The following RAB3C variants were observed in gnomAD, a reference collection of about 807,000 sequenced individuals.
RAB3C encodes ras-related protein Rab-3C.
A neutral mutation model predicts 26.4 loss-of-function variants in RAB3C; 17 were observed. The observed-to-expected ratio is 0.64, with a 90% CI of 0.44 to 0.97. The LOEUF is 0.97. Ranked by LOEUF, RAB3C falls within the 50% of genes least tolerant of loss-of-function variation. The probability of loss-of-function intolerance (pLI) is 0.00; values close to 1 mark genes in which losing one functional copy is unlikely to be tolerated. For missense variants in RAB3C, 242 were observed against 281.9 expected, an observed-to-expected ratio of 0.86 and a Z score of 1.01; for synonymous variants, 91 against 95.9, an observed-to-expected ratio of 0.95 and a Z score of 0.30.
chr5:58,614,716 A>C (rs1392193461), intron 1 of RAB3C, among the ~76,000 whole-genome samples: 1 of 152,014 alleles, frequency 6.6e-6, no homozygotes, highest in Non-Finnish European at 1.5e-5. Context: ...CTTCACCTAA[A>C]TGCATACAGT....
At chr5:58,778,373 C>T (rs1012924118) in intron 3 of RAB3C, among the ~76,000 whole-genome samples, 1 of 152,200 alleles carries the variant, frequency 6.6e-6, no homozygotes, top group African/African-American at 2.4e-5. Context: ...TCCTTTAGAG[C>T]CTCCTAAAAG....
In RAB3C at chr5:58,852,801, T is replaced by A. The variant is rs1245242997; in HGVS notation, c.*1450T>A. 6.6e-6 allele frequency: 1 copy of A among 152,246 alleles called. No homozygotes were observed. Among genetic ancestry groups the A allele is most frequent in the Non-Finnish European group, 1.5e-5 (1 of 68,044 alleles). 9.4% of individuals were successfully genotyped at this position (152,246 alleles called of 1,614,324 possible). ...AGGAAGCAGGAATTATTTGGCAGAT[T>A]TGGAAGGATAGTTTCGTTAAGTGAA... On this transcript the variant is annotated 3_prime_UTR_variant, in exon 5 of 5. Coordinates refer to ENST00000282878, the MANE Select transcript of RAB3C (RefSeq NM_138453.4).
chr5:58,654,025 C>A (rs888423165), intron 2 of RAB3C, among the ~76,000 whole-genome samples: 8 of 152,142 alleles, frequency 5.3e-5, no homozygotes, highest in Non-Finnish European at 1.2e-4. Flanking sequence ...TTTATATTTT[C>A]TGACTTTCTG....
At chr5:58,658,961 TC>T (rs1260671167) in intron 2 of RAB3C, among the ~76,000 whole-genome samples, 2 of 152,206 alleles carry the variant, frequency 1.3e-5, no homozygotes, top group Non-Finnish European at 2.9e-5. Context: ...AAGTCGCAAG[TC>T]CAGCCCAAAT....
intron 2 of RAB3C, among the ~76,000 whole-genome samples, chr5:58,625,617 G>C (rs1747034491): frequency 1.3e-5 from 2 of 152,040 alleles, no homozygotes; most frequent in African/African-American, 4.8e-5. Context: ...CCAGCACTTT[G>C]GGAGGCCGAG....
At chr5:58,799,782 A>G (rs1186064928) in intron 3 of RAB3C, among the ~76,000 whole-genome samples, 1 of 152,196 alleles carries the variant, frequency 6.6e-6, no homozygotes, top group Non-Finnish European at 1.5e-5. Flanking sequence ...GATCTAAATG[A>G]ATCCTGACTT....
chr5:58,740,841 G>GA lies in RAB3C; in HGVS notation c.371+14731dup, dbSNP rs964190024. Among the ~76,000 whole-genome samples the GA allele has an allele frequency of 6.5e-4, 97 of 148,444 alleles. 1 individual carries two copies. Among genetic ancestry groups the GA allele is most frequent in the Admixed American group, 4.5e-3 (67 of 14,828 alleles). ...TCTCAGAAAAATATATATCTTAACA[G>GA]AAAAAAAAAATCATCAAATATGTGT... is the stretch of plus-strand genomic sequence containing the variant. On this transcript the variant is annotated intron_variant, in intron 3 of 4. Coordinates refer to ENST00000282878, the MANE Select transcript of RAB3C (RefSeq NM_138453.4).
intron 2 of RAB3C, among the ~76,000 whole-genome samples, chr5:58,639,092 G>A (rs1442593185): frequency 6.6e-6 from 1 of 152,236 alleles, no homozygotes; most frequent in Non-Finnish European, 1.5e-5. Context: ...AGAGCCAGGA[G>A]ATAAGTTATT....
At chr5:58,700,357 G>A (rs949831454) in intron 2 of RAB3C, among the ~76,000 whole-genome samples, 1 of 152,208 alleles carries the variant, frequency 6.6e-6, no homozygotes, top group Non-Finnish European at 1.5e-5. Flanking sequence ...TTCACGTTCT[G>A]TGATGAGGGG....
At chr5:58,791,619 A>C (rs1742523663) in intron 3 of RAB3C, among the ~76,000 whole-genome samples, 1 of 152,250 alleles carries the variant, frequency 6.6e-6, no homozygotes, top group Admixed American at 6.5e-5. Context: ...CATAGTTATG[A>C]ATCTAAGAAG....
intron 2 of RAB3C, among the ~76,000 whole-genome samples, chr5:58,659,509 G>A (rs914485030): frequency 2.0e-5 from 3 of 152,234 alleles, no homozygotes; most frequent in Non-Finnish European, 2.9e-5. Context: ...CCAATGAAAG[G>A]AATAGACTTC....
chr5:58,662,828 T>C (rs1747931621), intron 2 of RAB3C, among the ~76,000 whole-genome samples: 1 of 150,232 alleles, frequency 6.7e-6, no homozygotes, highest in Admixed American at 6.6e-5. Flanking sequence ...AGGGAACTCT[T>C]TTTGGATGAT....
rs34352086 is a variant in RAB3C at position 58,655,789 on chromosome 5, CTTTTTTTTTT to C, written c.252+37934_252+37943del. Among the ~76,000 whole-genome samples, 453 of 91,662 alleles carry C rather than the reference CTTTTTTTTTT, an allele frequency of 4.9e-3. 6 individuals are homozygous for C. Among genetic ancestry groups the C allele is most frequent in the African/African-American group, 0.019 (427 of 23,080 alleles). 60.1% of individuals were successfully genotyped at this position (91,662 alleles called of 152,430 possible). On this transcript the variant is annotated intron_variant, in intron 2 of 4. Transcript: ENST00000282878. Reference sequence around the variant, plus strand: ...ATGGCTGACAAAGTAAAACCTAACTCTTTTTTTTTTTTTTTTTTTTTTTTGAGACGGAGTC... The same window carrying C: ...ATGGCTGACAAAGTAAAACCTAACTCTTTTTTTTTTTTTTGAGACGGAGTC...
intron 2 of RAB3C, among the ~76,000 whole-genome samples, chr5:58,716,181 T>C (rs1749169700): frequency 6.6e-6 from 1 of 151,876 alleles, no homozygotes; most frequent in African/African-American, 2.4e-5. Context: ...AACTGCTGGA[T>C]ATGGTAGTGA....
chr5:58,669,147 G>A (rs1291721432), intron 2 of RAB3C, among the ~76,000 whole-genome samples: 1 of 151,988 alleles, frequency 6.6e-6, no homozygotes, highest in Non-Finnish European at 1.5e-5. Context: ...TATGAATTTT[G>A]GGGGGACAAA....
chr5:58,676,066 G>T (rs575109635), intron 2 of RAB3C, among the ~76,000 whole-genome samples: 1 of 152,050 alleles, frequency 6.6e-6, no homozygotes, highest in African/African-American at 2.4e-5. Context: ...TCATTTCGAA[G>T]AAAAAGTCCC....
intron 2 of RAB3C, among the ~76,000 whole-genome samples, chr5:58,723,441 C>A (rs1394597614): frequency 6.6e-6 from 1 of 151,830 alleles, no homozygotes; most frequent in Non-Finnish European, 1.5e-5. Context: ...ATTTTCAGTT[C>A]CATTTTATAG....
At chr5:58,698,270 T>C (rs1460637833) in intron 2 of RAB3C, among the ~76,000 whole-genome samples, 1 of 152,194 alleles carries the variant, frequency 6.6e-6, no homozygotes, top group Non-Finnish European at 1.5e-5. Flanking sequence ...TCTTCTGGCT[T>C]GTAGGGTTTC....
At chr5:58,646,133 C>T (rs1042915588) in intron 2 of RAB3C, among the ~76,000 whole-genome samples, 1 of 152,106 alleles carries the variant, frequency 6.6e-6, no homozygotes, top group Non-Finnish European at 1.5e-5. Context: ...TGGCTTCATT[C>T]TTTGAGTGCT....
Sources: allele counts gnomAD v4.1 joint callset (sites outside exome capture counted in the v4.1 genomes callset), GRCh38; gene constraint gnomAD v4.1.1; transcripts MANE v1.5; gene names NCBI Gene and HGNC (gene_info 2026-07-23, HGNC 2026-07-21).